The following FASTKD2 variants were observed in gnomAD, a reference collection of about 807,000 sequenced individuals.
FASTKD2 encodes the protein FAST kinase domains 2.
Under a neutral mutation model 63.6 loss-of-function variants are expected in FASTKD2, and 51 were observed. The observed-to-expected ratio is 0.80, with a 90% CI of 0.64 to 1.01. The LOEUF is 1.01. FASTKD2 is among the 50% of genes least tolerant of loss of function. The pLI, the probability that FASTKD2 is intolerant of heterozygous loss-of-function variation, is 0.00. For synonymous variants in FASTKD2, 284 were observed against 293.4 expected (o/e 0.97, Z 0.33); for missense variants, 786 against 831.1 (o/e 0.95, Z 0.67).
Position 206,793,242 on chromosome 2 carries a change from A to AC in FASTKD2, c.*1440_*1441insC, listed in dbSNP as rs1446430461. 7.9e-4 allele frequency among the ~76,000 whole-genome samples: 105 copies of AC among 132,914 alleles called. No homozygotes were observed. The highest frequency in any genetic ancestry group is 1.4e-3 in the Non-Finnish European group (84 of 59,544). 87.2% of individuals were successfully genotyped at this position (132,914 alleles called of 152,430 possible). A position where few individuals can be genotyped will look rare whatever the true frequency, so the allele number is the denominator to read the frequency against. On this transcript the variant is annotated 3_prime_UTR_variant, in exon 12 of 12. Transcript: ENST00000402774. ...TCTCAAAAAAAAAAAAAAAAAAAAA[A>AC]AAAAAAAAATACAAAAACTATAGCA...
At chr2:206,778,500 G>A (rs13424212) in intron 7 of FASTKD2, among the ~76,000 whole-genome samples, 2,184 of 152,074 alleles carry the variant, frequency 0.014, 51 homozygotes, top group African/African-American at 0.05. Flanking sequence ...TTTGTGATCC[G>A]AAAGGATACT....
At position 206,793,235 on chromosome 2, in the gene FASTKD2, A is replaced by AC. The variant is rs1690342290; in HGVS notation, c.*1433_*1434insC. The stretch of plus-strand genomic sequence containing the variant: ...GACTCTGTCTCAAAAAAAAAAAAAA[A>AC]AAAAAAAAAAAAAAAATACAAAAAC... On this transcript the variant is annotated 3_prime_UTR_variant, in exon 12 of 12. Transcript: ENST00000402774. Among the ~76,000 whole-genome samples, 2 of 147,944 alleles carry AC rather than the reference A, an allele frequency of 1.4e-5. No individual in the cohort carries two copies. The highest frequency in any genetic ancestry group is 4.2e-4 in the South Asian group (2 of 4,708).
At chr2:206,768,727 A>T (rs1043194714) in intron 2 of FASTKD2, among the ~76,000 whole-genome samples, 20 of 152,118 alleles carry the variant, frequency 1.3e-4, no homozygotes, top group African/African-American at 4.4e-4. Context: ...TTTTTAAAAG[A>T]CAGGAATTCC....
chr2:206,789,565 C>G (rs1690228174), intron 10 of FASTKD2: 1 of 152,006 alleles, frequency 6.6e-6, no homozygotes, highest in African/African-American at 2.4e-5. Flanking sequence ...CCCCAAGGAA[C>G]TTGTATCTTC....
chr2:206,768,157 A>C (rs1056589079), intron 2 of FASTKD2, among the ~76,000 whole-genome samples: 1 of 152,174 alleles, frequency 6.6e-6, no homozygotes, highest in African/African-American at 2.4e-5. Context: ...GGCAATGGGA[A>C]TCCGTTGAAG....
At position 206,792,587 on chromosome 2, in the gene FASTKD2, A is replaced by G. The variant is rs769638979; in HGVS notation, c.*785A>G. ...TGTCCAAATTCAACTATTTTGTTCAATATGCCTGTCTACCTAGTATTTGGC... is the reference window on the plus strand; with the variant it reads ...TGTCCAAATTCAACTATTTTGTTCAGTATGCCTGTCTACCTAGTATTTGGC... On this transcript the variant is annotated 3_prime_UTR_variant, in exon 12 of 12. Coordinates refer to ENST00000402774, the MANE Select transcript of FASTKD2 (RefSeq NM_001136193.2). The G allele has an allele frequency of 3.9e-5, 6 of 152,194 alleles. No homozygotes were observed. Among genetic ancestry groups the G allele is most frequent in the Non-Finnish European group, 7.3e-5 (5 of 68,072 alleles). 9.4% of individuals were successfully genotyped at this position (152,194 alleles called of 1,614,324 possible).
At chr2:206,770,325 A>G in intron 3 of FASTKD2, 131 bp downstream of exon 3, 1 of 714,374 alleles carries the variant, frequency 1.4e-6, no homozygotes, top group Non-Finnish European at 2.6e-6. Flanking sequence ...GTTGGTAGTT[A>G]CAGTCTTTCA....
rs1391499380 is a variant in FASTKD2, at chr2:206,793,233, A to AC, written c.*1431_*1432insC. On this transcript the variant is annotated 3_prime_UTR_variant, in exon 12 of 12. Transcript: ENST00000402774. ...GAGACTCTGTCTCAAAAAAAAAAAA[A>AC]AAAAAAAAAAAAAAAAAATACAAAA... is the stretch of plus-strand genomic sequence containing the variant. Among the ~76,000 whole-genome samples the AC allele has an allele frequency of 1.0e-5, 1 of 99,458 alleles. No homozygotes were observed. The highest frequency in any genetic ancestry group is 2.1e-4 in the East Asian group (1 of 4,742). 65.2% of individuals were successfully genotyped at this position (99,458 alleles called of 152,430 possible).
chr2:206,773,096 C>T (rs1158943658), intron 6 of FASTKD2, among the ~76,000 whole-genome samples: 1 of 152,002 alleles, frequency 6.6e-6, no homozygotes, highest in African/African-American at 2.4e-5. Flanking sequence ...GGGTGGATCA[C>T]CTGAGGTCAG....
chr2:206,788,384 T>C (rs1304757793), intron 9 of FASTKD2, among the ~76,000 whole-genome samples: 1 of 152,130 alleles, frequency 6.6e-6, no homozygotes, highest in African/African-American at 2.4e-5. Context: ...GCTCTCAATA[T>C]ATTTTAGCTA....
intron 7 of FASTKD2, among the ~76,000 whole-genome samples, chr2:206,784,089 G>A (rs1202308004): frequency 6.6e-6 from 1 of 152,204 alleles, no homozygotes; most frequent in African/African-American, 2.4e-5. Context: ...GGGCAATATG[G>A]CAGATATAGC....
At chr2:206,790,293 C>A in intron 10 of FASTKD2, 1 of 372,574 alleles carries the variant, frequency 2.7e-6, no homozygotes, top group Non-Finnish European at 5.1e-6. Flanking sequence ...AAAATTGGTG[C>A]TTTCATGTCT....
chr2:206,767,026 A>G lies in FASTKD2; in HGVS notation c.333A>G (p.Arg111=), dbSNP rs1256836497. ...TTGAAAGACTACTTTATGCTAAAAG[A>G]CTGTTTTTTGACTCAAAGCAGTCTC... is the stretch of plus-strand genomic sequence containing the variant. ...LRIERLLYAK[R]LFFDSKQSLV... is the part of the protein sequence containing the mutation. The change falls in exon 2 of 12, where the codon AGA becomes AGG. Residue 111 remains arginine, a synonymous_variant. Coordinates refer to ENST00000402774, the MANE Select transcript of FASTKD2 (RefSeq NM_001136193.2). The G allele has an allele frequency of 6.2e-7, 1 of 1,613,952 alleles. No homozygotes were observed. The highest frequency in any genetic ancestry group is 1.7e-5 in the Admixed American group (1 of 60,016).
intron 7 of FASTKD2, among the ~76,000 whole-genome samples, chr2:206,781,376 C>T (rs1422240700): frequency 7.7e-6 from 1 of 129,854 alleles, no homozygotes; most frequent in Non-Finnish European, 1.5e-5. Flanking sequence ...AGTGCAGTGG[C>T]ACGATCTCGG....
intron 7 of FASTKD2, among the ~76,000 whole-genome samples, chr2:206,774,696 T>A (rs1689776576): frequency 6.6e-6 from 1 of 152,138 alleles, no homozygotes; most frequent in African/African-American, 2.4e-5. Context: ...TAGTTTATTT[T>A]AACTGTATTA....
rs191777457 is a variant in FASTKD2 at position 206,773,695 on chromosome 2, G to T, written c.1255-530G>T. Among the ~76,000 whole-genome samples, 28 of 152,262 alleles carry T rather than the reference G, an allele frequency of 1.8e-4. 1 individual carries two copies. The highest frequency in any genetic ancestry group is 6.7e-4 in the African/African-American group (28 of 41,560). The stretch of plus-strand genomic sequence containing the variant: ...AGAAGTAATAATCCTAAGTAAGAAA[G>T]ATTGAGAAGGAAATTGGAGGTGAAC... On this transcript the variant is annotated intron_variant, in intron 6 of 11. Transcript: ENST00000402774.
rs979372936 is a variant in FASTKD2 at position 206,794,247 on chromosome 2, GA to G, written c.*2452del. ...CAACCACTGATCTATGGCACACATA[GA>G]AAAAAATTAGGAAATATATTAAATG... is the stretch of plus-strand genomic sequence containing the variant. On this transcript the variant is annotated 3_prime_UTR_variant, in exon 12 of 12. Coordinates refer to ENST00000402774, the MANE Select transcript of FASTKD2 (RefSeq NM_001136193.2). Among the ~76,000 whole-genome samples, 39 of 151,748 alleles carry G rather than the reference GA, an allele frequency of 2.6e-4. No homozygotes were observed. Among genetic ancestry groups the G allele is most frequent in the African/African-American group, 9.2e-4 (38 of 41,282 alleles).
chr2:206,784,125 A>T (rs1690071527), intron 7 of FASTKD2, among the ~76,000 whole-genome samples: 1 of 152,244 alleles, frequency 6.6e-6, no homozygotes, highest in African/African-American at 2.4e-5. Context: ...CCATTTCCTG[A>T]ATGCCCATGA....
intron 2 of FASTKD2, among the ~76,000 whole-genome samples, chr2:206,768,548 A>C (rs1339822128): frequency 6.6e-6 from 1 of 152,094 alleles, no homozygotes; most frequent in African/African-American, 2.4e-5. Context: ...AAAAAATACA[A>C]AAATTAGCTG....
Sources: allele counts gnomAD v4.1 joint callset (sites outside exome capture counted in the v4.1 genomes callset), GRCh38; gene constraint gnomAD v4.1.1; transcripts MANE v1.5; gene names NCBI Gene and HGNC (gene_info 2026-07-23, HGNC 2026-07-21).